Variants in TFAP2A observed in about 807,000 individuals in gnomAD.
TFAP2A encodes the protein transcription factor AP-2-alpha.
A neutral mutation model predicts 41.5 loss-of-function variants in TFAP2A; 7 were observed. The ratio of observed to expected loss-of-function variants is 0.17; its 90% confidence interval spans 0.10 to 0.32. The LOEUF (loss-of-function observed/expected upper bound fraction) is 0.32, where lower values mean the gene tolerates loss of function less well. Among genes scored for constraint, TFAP2A ranks in the 10% least tolerant of loss-of-function variants. TFAP2A has a pLI of 1.00. For missense variants in TFAP2A, 416 were observed against 563.3 expected, an observed-to-expected ratio of 0.74 and a Z score of 2.65; for synonymous variants, 247 against 242.8, an observed-to-expected ratio of 1.02 and a Z score of -0.16.
At chr6:10,419,635 G>T (rs989144837), upstream of TFAP2A, 11 of 692,398 alleles carry the variant, frequency 1.6e-5, no homozygotes, top group African/African-American at 1.8e-4. Context: ...AATTCACTCC[G>T]CCAGCTGCAG....
Position 10,415,020 on chromosome 6 carries a change from CG to C in TFAP2A, c.-30del. The C allele has an allele frequency of 1.2e-6, 2 of 1,614,120 alleles. No individual in the cohort carries two copies. The highest frequency in any genetic ancestry group is 1.7e-6 in the Non-Finnish European group (2 of 1,180,028). ...TCGGCGTGAACGGATATGCCCCTCT[CG>C]GTCTCGCACCCAAGTGGAGCTACTC... is the stretch of plus-strand genomic sequence containing the variant. On this transcript the variant is annotated 5_prime_UTR_variant, in exon 1 of 7. Coordinates refer to ENST00000379613, the MANE Select transcript of TFAP2A (RefSeq NM_001372066.1).
At chr6:10,412,139 A>C in intron 1 of TFAP2A, 1 of 991,720 alleles carries the variant, frequency 1.0e-6, no homozygotes, top group Non-Finnish European at 1.2e-6. Flanking sequence ...AATGCAGTCC[A>C]TTGACGGGAG....
rs150819998 is a variant in TFAP2A at position 10,402,111 on chromosome 6, T to G, written c.889+381A>C. ...TTAAATCAGGACGCAGGTCAAAGATTCCCAAATTAATTCAGGAAGTAATGG... is the reference window on the plus strand; with the variant it reads ...TTAAATCAGGACGCAGGTCAAAGATGCCCAAATTAATTCAGGAAGTAATGG... On this transcript the variant is annotated intron_variant, in intron 5 of 6. Transcript: ENST00000379613. 623 of 365,492 alleles carry G rather than the reference T, an allele frequency of 1.7e-3. 4 individuals are homozygous for G. Among genetic ancestry groups the G allele is most frequent in the African/African-American group, 0.013 (594 of 47,072 alleles). 22.6% of individuals were successfully genotyped at this position (365,492 alleles called of 1,614,324 possible). A position where few individuals can be genotyped will look rare whatever the true frequency, so the allele number is the denominator to read the frequency against.
chr6:10,410,065 C>A lies in TFAP2A; in HGVS notation c.322G>T (p.Gly108Trp). Residue 108 changes from glycine (G) to tryptophan (W), a missense_variant, in exon 2 of 7, where the codon GGG becomes TGG. Physicochemically the swap from Gly to Trp is radical, Grantham distance 184. Coordinates refer to ENST00000379613, the MANE Select transcript of TFAP2A (RefSeq NM_001372066.1). ...WPGQRQSQES[G>W]LLHTHRGLPH... ...AGCCCCCGGTGCGTGTGCAGGAGCC[C>A]AGACTCCTGGCTCTGCCTCTGGCCG... The A allele has an allele frequency of 6.2e-7, 1 of 1,612,940 alleles. No individual in the cohort carries two copies. The highest frequency in any genetic ancestry group is 8.5e-7 in the Non-Finnish European group (1 of 1,179,860).
rs1015744334 is a variant in TFAP2A at position 10,402,774 on chromosome 6, T to C, written c.771-164A>G. Among the ~76,000 whole-genome samples the C allele has an allele frequency of 2.6e-5, 4 of 152,228 alleles. No homozygotes were observed. The East Asian group carries it at 5.8e-4, about 22-fold the overall frequency. ...AACCTAGGAATAGTACAGAAGTTCA[T>C]AGGAGATAAACGCCTGTTAAACTGT... On this transcript the variant is annotated intron_variant, in intron 4 of 6. Coordinates refer to ENST00000379613, the MANE Select transcript of TFAP2A (RefSeq NM_001372066.1).
Position 10,398,748 on chromosome 6 carries a change from T to C in TFAP2A, c.1032-43A>G, listed in dbSNP as rs767128916. On this transcript the variant is annotated intron_variant, in intron 6 of 6. Transcript: ENST00000379613. This position sits in a 1 kb window ranked among gnomAD's most constrained non-coding sequence, Gnocchi z 5.3. ...CAGAGAGAGAGACATAAGGCTCCAC[T>C]ATGGGCAGCACTAGCAGCAAAGAGA... 6.2e-7 allele frequency: 1 copy of C among 1,607,926 alleles called. No individual in the cohort carries two copies. The highest frequency in any genetic ancestry group is 1.1e-5 in the South Asian group (1 of 90,904).
At chr6:10,415,164 G>T (rs1056676264), upstream of TFAP2A, 6 of 1,517,470 alleles carry the variant, frequency 4.0e-6, no homozygotes, top group East Asian at 9.8e-5. Context: ...GGAGGAGGAG[G>T]AAGAGGAGGG....
At chr6:10,402,126 G>C in intron 5 of TFAP2A, 2 of 367,594 alleles carry the variant, frequency 5.4e-6, no homozygotes, top group South Asian at 2.1e-5. Context: ...AATTAATTCA[G>C]GAAGTAATGG....
At chr6:10,413,533 CT>C (rs1174970547) in intron 1 of TFAP2A, among the ~76,000 whole-genome samples, 4 of 152,134 alleles carry the variant, frequency 2.6e-5, no homozygotes, top group African/African-American at 9.7e-5. Flanking sequence ...AGGGGTTCGG[CT>C]TCATTCCTAC....
chr6:10,412,226 C>A, intron 1 of TFAP2A: 1 of 987,046 alleles, frequency 1.0e-6, no homozygotes. Context: ...CGGGCGAGCG[C>A]GCGGGGGGCC....
chr6:10,413,411 C>T (rs553215988), intron 1 of TFAP2A, among the ~76,000 whole-genome samples: 6 of 152,366 alleles, frequency 3.9e-5, no homozygotes, highest in African/African-American at 1.4e-4. Flanking sequence ...TCGGACCCCG[C>T]CCGCCGAGGG....
chr6:10,404,152 G>A (rs1031720581), intron 4 of TFAP2A, among the ~76,000 whole-genome samples: 2 of 152,252 alleles, frequency 1.3e-5, no homozygotes, highest in African/African-American at 2.4e-5. Flanking sequence ...AAAGGTGGCT[G>A]TACGGCGCCC....
rs749620758 is a variant in TFAP2A at position 10,398,456 on chromosome 6, G to A, written c.1281C>T (p.Asn427=). Residue 427 remains asparagine, a synonymous_variant, in exon 7 of 7, where the codon AAC becomes AAT. Coordinates refer to ENST00000379613, the MANE Select transcript of TFAP2A (RefSeq NM_001372066.1). This position sits in a 1 kb window ranked among gnomAD's most constrained non-coding sequence, Gnocchi z 5.3. The part of the protein sequence containing the change: ...SNNPNSHTDN[N]AKSSDKEEKH... ...TCTCCTCTTTGTCACTGCTTTTGGC[G>A]TTGTTGTCCGTGTGGCTGTTGGGGT... 1 of 1,614,230 alleles carries A rather than the reference G, an allele frequency of 6.2e-7. No individual in the cohort carries two copies. The highest frequency in any genetic ancestry group is 8.5e-7 in the Non-Finnish European group (1 of 1,180,048).
intron 2 of TFAP2A, chr6:10,409,385 T>A (rs1757850080): frequency 6.5e-6 from 1 of 153,860 alleles, no homozygotes; most frequent in African/African-American, 2.4e-5. Context: ...AGTTTTTCTT[T>A]AATCAGGATA....
intron 2 of TFAP2A, chr6:10,407,070 A>C: frequency 1.7e-6 from 1 of 578,654 alleles, no homozygotes; most frequent in East Asian, 2.9e-5. Context: ...CCAGCAAATA[A>C]TCCATGTTTA....
At position 10,398,257 on chromosome 6, in the gene TFAP2A, G is replaced by A; in HGVS notation, c.*160C>T. The A allele has an allele frequency of 6.5e-7, 1 of 1,537,584 alleles. No individual in the cohort carries two copies. Among genetic ancestry groups the A allele is most frequent in the East Asian group, 2.3e-5 (1 of 43,178 alleles). ...TGACAGTCGAGAGGGCAGTCCCGGA[G>A]ACTCGGGGGGACCCAAGGGCAGCGG... is the stretch of plus-strand genomic sequence containing the variant. On this transcript the variant is annotated 3_prime_UTR_variant, in exon 7 of 7. Coordinates refer to ENST00000379613, the MANE Select transcript of TFAP2A (RefSeq NM_001372066.1). The surrounding 1 kb of genome is among the most constrained non-coding windows in gnomAD (Gnocchi z 5.3).
chr6:10,399,300 C>A (rs528836519), intron 6 of TFAP2A, among the ~76,000 whole-genome samples: 1 of 152,204 alleles, frequency 6.6e-6, no homozygotes, highest in Non-Finnish European at 1.5e-5. Context: ...AACGGGCCCA[C>A]ACAAGCCCTG....
chr6:10,398,197 T>C lies in TFAP2A; in HGVS notation c.*220A>G. ...AGGGGTGTGGGAGCGGGTGGGGAGG[T>C]CGAGGCGGGTGCAGAGTCGGAGAGG... On this transcript the variant is annotated 3_prime_UTR_variant, in exon 7 of 7. Coordinates refer to ENST00000379613, the MANE Select transcript of TFAP2A (RefSeq NM_001372066.1). This position sits in a 1 kb window ranked among gnomAD's most constrained non-coding sequence, Gnocchi z 5.3. 2 of 1,450,520 alleles carry C rather than the reference T, an allele frequency of 1.4e-6. No individual in the cohort carries two copies. The highest frequency in any genetic ancestry group is 2.5e-5 in the East Asian group (1 of 39,826). The allele number at this position is 1,450,520 out of a possible 1,614,324, so 89.9% of individuals were successfully genotyped here.
intron 4 of TFAP2A, 32 bp downstream of exon 4, chr6:10,404,476 G>T (rs780486185): frequency 1.4e-6 from 2 of 1,451,224 alleles, no homozygotes; most frequent in Non-Finnish European, 1.8e-6. Flanking sequence ...CCGGCCGCGG[G>T]GCGGGGCGGG....
Sources: gnomAD v4.1 joint callset for allele counts (sites outside exome capture counted in the v4.1 genomes callset) on GRCh38, gnomAD v4.1.1 for gene constraint, Gnocchi (gnomAD v3.1) non-coding constraint, MANE v1.5 for transcripts, NCBI Gene and HGNC (gene_info 2026-07-23, HGNC 2026-07-21) for gene names.